Variants in IQGAP2 observed in about 807,000 individuals in gnomAD.
IQGAP2 encodes IQ motif containing GTPase activating protein 2.
In IQGAP2, 173 loss-of-function variants were observed where a neutral mutation model predicts 201.3. The observed-to-expected ratio is 0.86, with a 90% CI of 0.76 to 0.98. The LOEUF (loss-of-function observed/expected upper bound fraction) is 0.98. Ranked by LOEUF, IQGAP2 falls within the 50% of genes least tolerant of loss-of-function variation. The probability of loss-of-function intolerance (pLI) is 0.00; values close to 1 mark genes in which losing one functional copy is unlikely to be tolerated. For missense variants in IQGAP2, 1,687 were observed against 1,864.8 expected (o/e 0.90, Z 1.76); for synonymous variants, 675 against 673.9 (o/e 1.00, Z -0.03).
At chr5:76,413,666 A>G (rs1304056924) in intron 1 of IQGAP2, among the ~76,000 whole-genome samples, 1 of 152,198 alleles carries the variant, frequency 6.6e-6, no homozygotes, top group Non-Finnish European at 1.5e-5. Context: ...GCCATCTTGC[A>G]GGGGATCTTG....
chr5:76,617,434 A>T, intron 13 of IQGAP2: 1 of 645,984 alleles, frequency 1.5e-6, no homozygotes, highest in Non-Finnish European at 2.6e-6. Context: ...AAAAACAAAC[A>T]AACAAACTAC....
At chr5:76,704,589 CTACATCCT>C (rs1945945752) in intron 35 of IQGAP2, among the ~76,000 whole-genome samples, 1 of 152,192 alleles carries the variant, frequency 6.6e-6, no homozygotes. Context: ...TCAGAACTGG[CTACATCCT>C]TAGCAGGGCT....
intron 2 of IQGAP2, among the ~76,000 whole-genome samples, chr5:76,475,567 C>T (rs1755368178): frequency 6.6e-6 from 1 of 152,184 alleles, no homozygotes; most frequent in South Asian, 2.1e-4. Context: ...TTTTCCTTCC[C>T]CTCCCTGTAA....
chr5:76,423,560 G>T (rs975232975), intron 1 of IQGAP2, among the ~76,000 whole-genome samples: 2 of 152,254 alleles, frequency 1.3e-5, no homozygotes, highest in African/African-American at 4.8e-5. Context: ...GGCGGAGTTT[G>T]CAGTGAGCTG....
intron 1 of IQGAP2, among the ~76,000 whole-genome samples, chr5:76,412,252 A>G (rs116716208): frequency 0.015 from 2,272 of 152,262 alleles, 77 homozygotes; most frequent in African/African-American, 0.052. Flanking sequence ...AAGATTTCTA[A>G]TTGGTTGTTC....
intron 13 of IQGAP2, among the ~76,000 whole-genome samples, chr5:76,614,891 GC>G (rs1468224293): frequency 6.6e-6 from 1 of 152,118 alleles, no homozygotes; most frequent in Non-Finnish European, 1.5e-5. Flanking sequence ...GTAAAACTGT[GC>G]CAAAGGCTAC....
At chr5:76,507,043 C>A (rs1314340636) in intron 2 of IQGAP2, among the ~76,000 whole-genome samples, 2 of 152,096 alleles carry the variant, frequency 1.3e-5, no homozygotes, top group Admixed American at 6.6e-5. Context: ...GAGGCAAAGA[C>A]CCCGAATAGC....
intron 21 of IQGAP2, among the ~76,000 whole-genome samples, chr5:76,664,515 T>A (rs1474715284): frequency 6.6e-6 from 1 of 152,160 alleles, no homozygotes; most frequent in Non-Finnish European, 1.5e-5. Context: ...AAACCCCGTC[T>A]CTACTAAAAA....
chr5:76,480,611 C>T (rs185918092), intron 2 of IQGAP2, among the ~76,000 whole-genome samples: 46 of 152,280 alleles, frequency 3.0e-4, no homozygotes, highest in African/African-American at 1.0e-3. Context: ...ACATAGGCAA[C>T]TTCCATATTA....
At chr5:76,555,155 A>G (rs1351832734) in intron 2 of IQGAP2, among the ~76,000 whole-genome samples, 2 of 152,182 alleles carry the variant, frequency 1.3e-5, no homozygotes, top group Admixed American at 6.5e-5. Flanking sequence ...TAAATGGAGA[A>G]TGACTGTTTA....
chr5:76,544,677 A>G (rs1056064321), intron 2 of IQGAP2, among the ~76,000 whole-genome samples: 4 of 152,156 alleles, frequency 2.6e-5, no homozygotes, highest in African/African-American at 9.7e-5. Flanking sequence ...TGGTTGCTTA[A>G]TTAAGTGCTT....
intron 21 of IQGAP2, among the ~76,000 whole-genome samples, chr5:76,661,561 A>T (rs1479000408): frequency 1.3e-5 from 2 of 152,206 alleles, no homozygotes; most frequent in African/African-American, 4.8e-5. Context: ...ATACTTAATT[A>T]TACTACTTCA....
At chr5:76,541,183 C>T (rs900983732) in intron 2 of IQGAP2, among the ~76,000 whole-genome samples, 11 of 151,834 alleles carry the variant, frequency 7.2e-5, no homozygotes, top group African/African-American at 2.4e-4. Flanking sequence ...AAATAATTCC[C>T]TATTCCCCCT....
At chr5:76,510,519 G>A in intron 2 of IQGAP2, 1 of 376,502 alleles carries the variant, frequency 2.7e-6, no homozygotes, top group Non-Finnish European at 5.3e-6. Context: ...GTGCTCATCT[G>A]GCTGCTGCCA....
At chr5:76,615,737 A>G (rs1321246445) in intron 13 of IQGAP2, 2 of 139,980 alleles carry the variant, frequency 1.4e-5, no homozygotes, top group Non-Finnish European at 3.3e-5. Context: ...AAAAATAGTC[A>G]TTTACTTACA....
In IQGAP2 at chr5:76,671,979, G is replaced by A. The variant is rs754381501; in HGVS notation, c.3064G>A (p.Ala1022Thr). The A allele has an allele frequency of 6.2e-7, 1 of 1,607,494 alleles. No individual in the cohort carries two copies. The highest frequency in any genetic ancestry group is 8.5e-7 in the Non-Finnish European group (1 of 1,174,518). ...CCAACTAGAAACACAGACTGGAGAG[G>A]CCAGGTAATAGAATCAGGAAGGTGT... ...VNQLETQTGE[A>T]SKLPYDVTTE... Residue 1022 changes from alanine (A) to threonine (T), a missense_variant, in exon 24 of 36, where the codon GCC (alanine) becomes ACC (threonine). Physicochemically the swap from Ala to Thr is moderately conservative, Grantham distance 58. Coordinates refer to ENST00000274364, the MANE Select transcript of IQGAP2 (RefSeq NM_006633.5).
At chr5:76,695,427 C>T (rs1223056106) in intron 31 of IQGAP2, 27 bp from the exon 32 acceptor site, 7 of 1,584,264 alleles carry the variant, frequency 4.4e-6, no homozygotes, top group Non-Finnish European at 6.1e-6. Flanking sequence ...TCAGAGAAAA[C>T]TCAGCATCTT....
chr5:76,595,382 C>A (rs1207389942), intron 9 of IQGAP2, among the ~76,000 whole-genome samples: 8 of 151,438 alleles, frequency 5.3e-5, no homozygotes, highest in African/African-American at 1.9e-4. Context: ...AGCTACCACA[C>A]CCTGCCTGGA....
intron 2 of IQGAP2, among the ~76,000 whole-genome samples, chr5:76,487,128 T>C (rs578221107): frequency 1.1e-4 from 17 of 150,934 alleles, no homozygotes; most frequent in Admixed American, 1.1e-3. Flanking sequence ...AGATGGAGGC[T>C]TGCTCTGTCA....
Sources: gnomAD v4.1 joint callset for allele counts (sites outside exome capture counted in the v4.1 genomes callset) on GRCh38, gnomAD v4.1.1 for gene constraint, MANE v1.5 for transcripts, NCBI Gene and HGNC (gene_info 2026-07-23, HGNC 2026-07-21) for gene names.